Variants in PRR16 observed in about 807,000 individuals in gnomAD.
The protein encoded by PRR16 is protein Largen.
PRR16 carries 6 observed loss-of-function variants against 18.2 expected under a neutral mutation model. The ratio of observed to expected loss-of-function variants is 0.33; its 90% CI spans 0.18 to 0.65. The LOEUF (loss-of-function observed/expected upper bound fraction) is 0.65, where lower values mean the gene tolerates loss of function less well. Ranked by LOEUF, PRR16 falls within the 30% of genes least tolerant of loss-of-function variation. PRR16 has a pLI of 0.74. For missense variants in PRR16, 412 were observed against 376.6 expected (o/e 1.09, Z -0.78); for synonymous variants, 151 against 147.8 (o/e 1.02, Z -0.16).
intron 1 of PRR16, among the ~76,000 whole-genome samples, chr5:120,659,428 C>G (rs1034199645): frequency 6.6e-6 from 1 of 151,736 alleles, no homozygotes; most frequent in African/African-American, 2.4e-5. Context: ...ATAGACCTAC[C>G]CACTGAATAT....
At chr5:120,654,910 C>T (rs1270299045) in intron 1 of PRR16, among the ~76,000 whole-genome samples, 4 of 151,662 alleles carry the variant, frequency 2.6e-5, no homozygotes, top group Non-Finnish European at 5.9e-5. Context: ...TAGAGATTAT[C>T]AGAAAGAGAG....
At chr5:120,604,198 AGGTCTCTAAGAACTTGTTTCAT>A in intron 1 of PRR16, among the ~76,000 whole-genome samples, 1 of 151,912 alleles carries the variant, frequency 6.6e-6, no homozygotes, top group Middle Eastern at 3.4e-3. Context: ...AATTCTCTGT[AGGTCTCTAAGAACTTGTTTCAT>A]GAGTCTAGGT....
At chr5:120,748,689 TTCA>T in the PRR16 span, among the ~76,000 whole-genome samples, 2 of 152,114 alleles carry the variant, frequency 1.3e-5, no homozygotes, top group African/African-American at 4.8e-5. Context: ...TGAAATGGCA[TTCA>T]TTTAATAGGT....
Position 120,636,364 on chromosome 5 carries a change from C to T in PRR16, c.160-49590C>T, listed in dbSNP as rs549305941. Among the ~76,000 whole-genome samples the T allele has an allele frequency of 7.2e-5, 11 of 152,002 alleles. No homozygotes were observed. In the East Asian group the frequency reaches 7.7e-4, roughly 11 times the overall value. On this transcript the variant is annotated intron_variant, in intron 1 of 1. Transcript: ENST00000407149. ...AAACATCTGGAGGCATCACATTACC[C>T]GACTTCAAACTATACTATGAGGCCA...
At chr5:120,540,255 G>A (rs951668018) in intron 1 of PRR16, among the ~76,000 whole-genome samples, 1 of 152,164 alleles carries the variant, frequency 6.6e-6, no homozygotes, top group Admixed American at 6.5e-5. Context: ...GGCAATTGCA[G>A]AGGCCCCTGA....
At chr5:120,482,599 G>T (rs1297385495) in intron 1 of PRR16, among the ~76,000 whole-genome samples, 1 of 152,126 alleles carries the variant, frequency 6.6e-6, no homozygotes, top group Non-Finnish European at 1.5e-5. Context: ...ATATGAGTAT[G>T]TGTGTTTTTT....
At chr5:120,656,455 A>C (rs1755979687) in intron 1 of PRR16, among the ~76,000 whole-genome samples, 1 of 143,862 alleles carries the variant, frequency 7.0e-6, no homozygotes, top group South Asian at 2.3e-4. Flanking sequence ...TTCTAACAGT[A>C]GTAATCACTC....
intron 1 of PRR16, among the ~76,000 whole-genome samples, chr5:120,559,978 T>A (rs964631795): frequency 2.0e-5 from 3 of 152,016 alleles, no homozygotes; most frequent in African/African-American, 7.2e-5. Context: ...TTTTTGTATG[T>A]TGATTTTGTA....
chr5:120,607,028 C>T (rs138157617), intron 1 of PRR16, among the ~76,000 whole-genome samples: 21 of 152,194 alleles, frequency 1.4e-4, no homozygotes, highest in African/African-American at 4.8e-4. Flanking sequence ...CTTTTTGGAT[C>T]CATTTGGAAA....
chr5:120,715,417 C>G, the PRR16 span, among the ~76,000 whole-genome samples: 5 of 152,146 alleles, frequency 3.3e-5, no homozygotes, highest in African/African-American at 1.2e-4. Context: ...CTATTTATGG[C>G]TTAACTGGGT....
In PRR16 at chr5:120,464,615, C is replaced by G; in HGVS notation, c.129C>G (p.Asp43Glu). The G allele has an allele frequency of 6.4e-7, 1 of 1,574,112 alleles. No individual in the cohort carries two copies. Among genetic ancestry groups the G allele is most frequent in the Non-Finnish European group, 8.6e-7 (1 of 1,167,886 alleles). Residue 43 changes from aspartate (D) to glutamate (E), a missense_variant, in exon 1 of 2, where the codon GAC becomes GAG. Asp to Glu is a conservative substitution (Grantham distance 45). Coordinates refer to ENST00000407149, the MANE Select transcript of PRR16 (RefSeq NM_001300783.2). ...AGGATTTGGAATTAGTCCTGGGCGA[C>G]CTGAAGGACGTGGCCAAGGAACTTA... Reference protein sequence around the residue: ...IVEDLELVLGDLKDVAKELKE... With the variant: ...IVEDLELVLGELKDVAKELKE...
intron 1 of PRR16, among the ~76,000 whole-genome samples, chr5:120,618,217 A>C (rs1223289686): frequency 6.6e-6 from 1 of 152,090 alleles, no homozygotes; most frequent in African/African-American, 2.4e-5. Context: ...CAAATATTAG[A>C]GATATATTAA....
chr5:120,508,369 G>A (rs1454732525), intron 1 of PRR16, among the ~76,000 whole-genome samples: 2 of 151,974 alleles, frequency 1.3e-5, no homozygotes, highest in Admixed American at 6.6e-5. Flanking sequence ...GTGTTGTTTG[G>A]GTTTTCTTTT....
chr5:120,712,098 A>G, the PRR16 span, among the ~76,000 whole-genome samples: 3 of 152,172 alleles, frequency 2.0e-5, no homozygotes, highest in East Asian at 1.9e-4. Context: ...TTTTTTTATC[A>G]TATAAGTTTG....
At position 120,464,667 on chromosome 5, in the gene PRR16, A is replaced by G. The variant is rs778366556; in HGVS notation, c.159+22A>G. The G allele has an allele frequency of 4.6e-6, 7 of 1,537,020 alleles. No homozygotes were observed. The South Asian group carries it at 8.4e-5, about 18-fold the overall frequency. On this transcript the variant is annotated intron_variant, in intron 1 of 1. Transcript: ENST00000407149. ...GGAGGTGAGAGGCGCAGGGGTGGGGAGGGAGTTCGGCACCCTTCGACCCCT... is the reference window on the plus strand; with the variant it reads ...GGAGGTGAGAGGCGCAGGGGTGGGGGGGGAGTTCGGCACCCTTCGACCCCT...
At chr5:120,665,340 G>T (rs1259681582) in intron 1 of PRR16, among the ~76,000 whole-genome samples, 2 of 151,914 alleles carry the variant, frequency 1.3e-5, no homozygotes, top group Non-Finnish European at 1.5e-5. Flanking sequence ...TGAGTTCCTT[G>T]TAGATTCTGG....
At chr5:120,468,617 A>G (rs1196163764) in intron 1 of PRR16, among the ~76,000 whole-genome samples, 21 of 152,224 alleles carry the variant, frequency 1.4e-4, no homozygotes, top group Admixed American at 1.3e-3. Context: ...CAAATAATCT[A>G]ATGCCTTTGA....
At chr5:120,534,701 T>C (rs1046294244) in intron 1 of PRR16, among the ~76,000 whole-genome samples, 4 of 152,220 alleles carry the variant, frequency 2.6e-5, no homozygotes, top group Admixed American at 2.6e-4. Context: ...TTCTAAAGAT[T>C]CAGTGAATTT....
At chr5:120,669,899 A>C (rs1005413275) in intron 1 of PRR16, among the ~76,000 whole-genome samples, 1 of 152,084 alleles carries the variant, frequency 6.6e-6, no homozygotes, top group African/African-American at 2.4e-5. Flanking sequence ...ATTTTTTTTA[A>C]CTAATGATAG....
Sources: allele counts gnomAD v4.1 joint callset (sites outside exome capture counted in the v4.1 genomes callset), GRCh38; gene constraint gnomAD v4.1.1; transcripts MANE v1.5; gene names NCBI Gene and HGNC (gene_info 2026-07-23, HGNC 2026-07-21).